CNTN5: variants seen among roughly 807,000 people sequenced by gnomAD.
CNTN5 encodes the protein contactin-5.
A neutral mutation model predicts 129.1 loss-of-function variants in CNTN5; 77 were observed. The observed-to-expected ratio is 0.60, with a 90% CI of 0.50 to 0.72. The LOEUF is 0.72. Ranked by LOEUF, CNTN5 falls within the 30% of genes least tolerant of loss-of-function variation. CNTN5 has a pLI of 0.00. For missense variants in CNTN5, 1,478 were observed against 1,328.8 expected, an observed-to-expected ratio of 1.11 and a Z score of -1.75; for synonymous variants, 509 against 465.6, an observed-to-expected ratio of 1.09 and a Z score of -1.20.
intron 18 of CNTN5, among the ~76,000 whole-genome samples, chr11:100,279,164 T>A (rs1053656809): frequency 3.9e-5 from 6 of 152,032 alleles, no homozygotes; most frequent in Non-Finnish European, 8.8e-5. Flanking sequence ...CACTTGGTCA[T>A]GATGAATGAA....
At chr11:99,408,503 A>AAAAAGAAAGAAAGAAAGT in intron 2 of CNTN5, among the ~76,000 whole-genome samples, 1 of 144,848 alleles carries the variant, frequency 6.9e-6, no homozygotes, top group African/African-American at 2.5e-5. Context: ...AGAAAGAAAG[A>AAAAAGAAAGAAAGAAAGT]AAGTTAGTTC....
At chr11:99,033,278 A>G (rs565911263) in intron 1 of CNTN5, among the ~76,000 whole-genome samples, 8 of 152,048 alleles carry the variant, frequency 5.3e-5, no homozygotes, top group African/African-American at 1.4e-4. Context: ...TATGAACTTT[A>G]AAGTAGTTTT....
intron 2 of CNTN5, among the ~76,000 whole-genome samples, chr11:99,397,469 T>C (rs1469478309): frequency 6.6e-6 from 1 of 151,792 alleles, no homozygotes; most frequent in African/African-American, 2.4e-5. Context: ...ACACATAAAT[T>C]ATTTGGAATT....
At chr11:100,240,672 G>T (rs573129074) in intron 16 of CNTN5, among the ~76,000 whole-genome samples, 7 of 152,228 alleles carry the variant, frequency 4.6e-5, no homozygotes, top group African/African-American at 1.7e-4. Flanking sequence ...GAACATGTTG[G>T]TTTCCAGAAA....
intron 6 of CNTN5, among the ~76,000 whole-genome samples, chr11:99,853,422 G>A (rs969737262): frequency 6.6e-6 from 1 of 151,248 alleles, no homozygotes; most frequent in Non-Finnish European, 1.5e-5. Flanking sequence ...TTTTTGAGAC[G>A]GAGTTTTACT....
chr11:99,349,000 T>A (rs1938103721), intron 2 of CNTN5, among the ~76,000 whole-genome samples: 1 of 152,152 alleles, frequency 6.6e-6, no homozygotes, highest in Non-Finnish European at 1.5e-5. Flanking sequence ...TCACAAAGCT[T>A]TTATTCTAGT....
chr11:99,429,805 T>A (rs532903244), intron 2 of CNTN5, among the ~76,000 whole-genome samples: 1 of 152,230 alleles, frequency 6.6e-6, no homozygotes, highest in South Asian at 2.1e-4. Context: ...GTGTTTAAAC[T>A]GTACCCTTTC....
chr11:100,161,830 T>TAC (rs71050053), intron 13 of CNTN5, among the ~76,000 whole-genome samples: 9,234 of 125,718 alleles, frequency 0.073, 374 homozygotes, highest in Non-Finnish European at 0.095. Context: ...TGGAGCTTCC[T>TAC]ACACACACAC....
At position 100,357,689 on chromosome 11, in the gene CNTN5, G is replaced by A. The variant is rs1404235659; in HGVS notation, c.*1469G>A. 1 of 151,378 alleles carries A rather than the reference G, an allele frequency of 6.6e-6. No homozygotes were observed. Among genetic ancestry groups the A allele is most frequent in the Non-Finnish European group, 1.5e-5 (1 of 67,762 alleles). 9.4% of individuals were successfully genotyped at this position (151,378 alleles called of 1,614,324 possible). ...TTATAATTTTATATAATTTAAACTT[G>A]TTAACTGTATTTGCTTCATTAATAA... On this transcript the variant is annotated 3_prime_UTR_variant, in exon 25 of 25. Transcript: ENST00000524871.
intron 3 of CNTN5, among the ~76,000 whole-genome samples, chr11:99,741,023 C>T (rs1943872566): frequency 6.6e-6 from 1 of 152,100 alleles, no homozygotes. Flanking sequence ...CCCACATTTT[C>T]TAGAAACACT....
At chr11:99,510,073 A>G (rs1043629374) in intron 2 of CNTN5, among the ~76,000 whole-genome samples, 2 of 151,850 alleles carry the variant, frequency 1.3e-5, no homozygotes, top group African/African-American at 4.8e-5. Context: ...TAATACTGGC[A>G]GATTACTTAA....
At chr11:99,251,212 G>T (rs1016504055) in intron 1 of CNTN5, among the ~76,000 whole-genome samples, 1 of 151,768 alleles carries the variant, frequency 6.6e-6, no homozygotes, top group African/African-American at 2.4e-5. Flanking sequence ...GTTTTATTTT[G>T]CTGTCTCATC....
At position 99,657,348 on chromosome 11, in the gene CNTN5, ATTTGGGGG is replaced by A. The variant is rs560130506; in HGVS notation, c.55+101091_55+101098del. Reference sequence around the variant, plus strand: ...AAATATACCTGCATCTATTTTGGGAATTTGGGGGTTTGGGGGTTTCCATATCCAATTCC... The same window carrying A: ...AAATATACCTGCATCTATTTTGGGAATTTGGGGGTTTCCATATCCAATTCC... On this transcript the variant is annotated intron_variant, in intron 3 of 24. Transcript: ENST00000524871. Among the ~76,000 whole-genome samples the A allele has an allele frequency of 2.9e-3, 444 of 152,062 alleles. 3 individuals carry two copies. The highest frequency in any genetic ancestry group is 0.01 in the African/African-American group (417 of 41,530).
intron 1 of CNTN5, among the ~76,000 whole-genome samples, chr11:99,095,408 A>G (rs934114134): frequency 2.6e-5 from 4 of 151,962 alleles, no homozygotes; most frequent in East Asian, 3.9e-4. Flanking sequence ...GATGTATCCA[A>G]TAGGCTGTAA....
intron 8 of CNTN5, among the ~76,000 whole-genome samples, chr11:99,992,088 G>A (rs888401166): frequency 6.6e-6 from 1 of 152,182 alleles, no homozygotes; most frequent in Admixed American, 6.5e-5. Flanking sequence ...CAAAGATGTT[G>A]AAGGCAAAAA....
At chr11:99,701,479 G>A (rs1456806668) in intron 3 of CNTN5, among the ~76,000 whole-genome samples, 1 of 150,910 alleles carries the variant, frequency 6.6e-6, no homozygotes, top group East Asian at 1.9e-4. Flanking sequence ...ATATCCAGAT[G>A]TTTTTCAAAG....
At chr11:99,658,649 ATC>A (rs1229024184) in intron 3 of CNTN5, among the ~76,000 whole-genome samples, 28 of 148,708 alleles carry the variant, frequency 1.9e-4, no homozygotes, top group South Asian at 8.7e-4. Flanking sequence ...AGACAGGTGG[ATC>A]ACCTGAGGTC....
At chr11:99,411,436 C>G (rs1187612328) in intron 2 of CNTN5, among the ~76,000 whole-genome samples, 1 of 152,114 alleles carries the variant, frequency 6.6e-6, no homozygotes, top group Non-Finnish European at 1.5e-5. Context: ...AGGAGGATGG[C>G]TTAAGCCTGG....
intron 1 of CNTN5, among the ~76,000 whole-genome samples, chr11:99,268,870 T>A (rs1233435992): frequency 6.6e-6 from 1 of 151,936 alleles, no homozygotes; most frequent in Non-Finnish European, 1.5e-5. Flanking sequence ...TTAACCCAGG[T>A]AGAATTTAAA....
Sources: gnomAD v4.1 joint callset for allele counts (sites outside exome capture counted in the v4.1 genomes callset) on GRCh38, gnomAD v4.1.1 for gene constraint, MANE v1.5 for transcripts, NCBI Gene and HGNC (gene_info 2026-07-23, HGNC 2026-07-21) for gene names.